AGPAT5: variants seen among roughly 807,000 people sequenced by gnomAD.
The protein encoded by AGPAT5 is 1-acylglycerol-3-phosphate O-acyltransferase 5.
Under a neutral mutation model 45.6 loss-of-function variants are expected in AGPAT5, and 46 were observed. The ratio of observed to expected loss-of-function variants is 1.01; its 90% CI spans 0.80 to 1.29. AGPAT5 has a LOEUF of 1.29. Ranked by LOEUF, AGPAT5 falls within the 50% of genes most tolerant of loss-of-function variation. AGPAT5 has a pLI of 0.00. For synonymous variants in AGPAT5, 272 were observed against 167.0 expected, an observed-to-expected ratio of 1.63 and a Z score of -4.85; for missense variants, 673 against 450.7, an observed-to-expected ratio of 1.49 and a Z score of -4.47.
intron 4 of AGPAT5, among the ~76,000 whole-genome samples, chr8:6,735,735 A>G (rs1316884447): frequency 6.6e-6 from 1 of 152,028 alleles, no homozygotes; most frequent in Non-Finnish European, 1.5e-5. Context: ...CATTCTACAT[A>G]CTTAATGGAA....
At chr8:6,749,891 G>T (rs976247703) in intron 6 of AGPAT5, among the ~76,000 whole-genome samples, 3 of 152,224 alleles carry the variant, frequency 2.0e-5, no homozygotes, top group Non-Finnish European at 4.4e-5. Context: ...GCCAGCCTCT[G>T]TTGCCTGCCA....
chr8:6,754,641 G>A (rs562543786), intron 6 of AGPAT5, among the ~76,000 whole-genome samples: 108 of 152,294 alleles, frequency 7.1e-4, no homozygotes, highest in African/African-American at 2.5e-3. Context: ...CAGTCACCAT[G>A]GTGACAGGTG....
chr8:6,744,681 G>A (rs1801370113), intron 5 of AGPAT5, among the ~76,000 whole-genome samples: 1 of 152,170 alleles, frequency 6.6e-6, no homozygotes, highest in South Asian at 2.1e-4. Context: ...ACACCATATA[G>A]CTGACTCTGG....
chr8:6,718,294 G>T (rs1413225679), intron 1 of AGPAT5, among the ~76,000 whole-genome samples: 1 of 152,196 alleles, frequency 6.6e-6, no homozygotes, highest in African/African-American at 2.4e-5. Context: ...GCTGTGGGTG[G>T]TAGAGCAGAC....
chr8:6,747,440 G>A (rs1323746171), intron 5 of AGPAT5, among the ~76,000 whole-genome samples: 1 of 152,196 alleles, frequency 6.6e-6, no homozygotes, highest in African/African-American at 2.4e-5. Flanking sequence ...CCAACACGGT[G>A]ACTTGTACAT....
chr8:6,736,903 A>G (rs1217210788), intron 4 of AGPAT5, among the ~76,000 whole-genome samples: 1 of 152,196 alleles, frequency 6.6e-6, no homozygotes, highest in Non-Finnish European at 1.5e-5. Flanking sequence ...TGTGCCCTTC[A>G]TCTTATGAGT....
intron 1 of AGPAT5, among the ~76,000 whole-genome samples, chr8:6,724,524 A>C (rs2928628): frequency 0.062 from 9,443 of 152,286 alleles, 372 homozygotes; most frequent in African/African-American, 0.11. Flanking sequence ...TCCTGTGGAC[A>C]TGTCTGTCTC....
intron 5 of AGPAT5, among the ~76,000 whole-genome samples, chr8:6,747,420 C>A (rs1322437601): frequency 6.6e-6 from 1 of 152,188 alleles, no homozygotes; most frequent in Non-Finnish European, 1.5e-5. Context: ...TTCCGCTAGG[C>A]CATAAACTTC....
chr8:6,753,948 TG>T (rs1587069432), intron 6 of AGPAT5, among the ~76,000 whole-genome samples: 2 of 152,070 alleles, frequency 1.3e-5, no homozygotes. Flanking sequence ...GGGAAGTGTG[TG>T]GGGTTGAAGG....
At chr8:6,741,095 T>A (rs973690718) in intron 4 of AGPAT5, among the ~76,000 whole-genome samples, 1 of 152,152 alleles carries the variant, frequency 6.6e-6, no homozygotes, top group African/African-American at 2.4e-5. Context: ...AGTTTCAGTT[T>A]ATATAACAAA....
At chr8:6,738,905 G>T (rs1801146450) in intron 4 of AGPAT5, among the ~76,000 whole-genome samples, 1 of 151,738 alleles carries the variant, frequency 6.6e-6, no homozygotes, top group African/African-American at 2.4e-5. Context: ...ACTTAAGGTT[G>T]CTAAGATTTT....
At chr8:6,729,468 A>G (rs1037497919) in intron 2 of AGPAT5, among the ~76,000 whole-genome samples, 10 of 151,308 alleles carry the variant, frequency 6.6e-5, no homozygotes, top group Admixed American at 4.0e-4. Context: ...CTTTTCGAGT[A>G]TCGTTGAGCT....
chr8:6,723,661 T>C (rs1418259662), intron 1 of AGPAT5, among the ~76,000 whole-genome samples: 1 of 152,256 alleles, frequency 6.6e-6, no homozygotes, highest in East Asian at 1.9e-4. Flanking sequence ...TACTCATTTA[T>C]GTCATCGATA....
chr8:6,753,333 G>C (rs1284245731), intron 6 of AGPAT5, among the ~76,000 whole-genome samples: 2 of 152,092 alleles, frequency 1.3e-5, no homozygotes, highest in African/African-American at 4.8e-5. Flanking sequence ...GAAATACCGG[G>C]TATCTGCAGT....
At chr8:6,740,314 G>C (rs1028623759) in intron 4 of AGPAT5, among the ~76,000 whole-genome samples, 5 of 151,900 alleles carry the variant, frequency 3.3e-5, no homozygotes, top group African/African-American at 1.2e-4. Context: ...AAATGAATGT[G>C]TGGTGTTTGG....
chr8:6,731,055 G>C (rs1800845826), intron 3 of AGPAT5, among the ~76,000 whole-genome samples: 1 of 151,780 alleles, frequency 6.6e-6, no homozygotes, highest in Non-Finnish European at 1.5e-5. Flanking sequence ...TTTTTGTAGA[G>C]ATGGGGGTCT....
Position 6,761,454 on chromosome 8 carries a change from T to C in AGPAT5, c.*4066T>C, listed in dbSNP as rs1802041562. 6.6e-6 allele frequency among the ~76,000 whole-genome samples: 1 copy of C among 152,240 alleles called. No individual in the cohort carries two copies. Among genetic ancestry groups the C allele is most frequent in the African/African-American group, 2.4e-5 (1 of 41,456 alleles). On this transcript the variant is annotated 3_prime_UTR_variant, in exon 8 of 8. Coordinates refer to ENST00000285518, the MANE Select transcript of AGPAT5 (RefSeq NM_018361.5). ...AAAGTCTGACTTGTGTTTTTGAGAT[T>C]ATTGGTGCCTCATTAATTCAGCAAT...
At chr8:6,745,335 A>G (rs1801404584) in intron 5 of AGPAT5, 1 of 154,288 alleles carries the variant, frequency 6.5e-6, no homozygotes, top group South Asian at 2.0e-4. Context: ...TTGCAAATGT[A>G]CTCCAATTCT....
intron 1 of AGPAT5, among the ~76,000 whole-genome samples, chr8:6,712,405 C>G (rs888991057): frequency 1.2e-4 from 18 of 151,902 alleles, no homozygotes; most frequent in African/African-American, 4.3e-4. Flanking sequence ...TAACTGAAAT[C>G]CTGATAAATT....
Sources: gnomAD v4.1 joint callset for allele counts (sites outside exome capture counted in the v4.1 genomes callset) on GRCh38, gnomAD v4.1.1 for gene constraint, MANE v1.5 for transcripts, NCBI Gene and HGNC (gene_info 2026-07-23, HGNC 2026-07-21) for gene names.